Variants in SLC7A2 observed in about 807,000 individuals in gnomAD.
SLC7A2 encodes solute carrier family 7 member 2.
Under a neutral mutation model 58.9 loss-of-function variants are expected in SLC7A2, and 48 were observed. That is an observed-to-expected ratio of 0.82 (90% CI 0.65 to 1.04). The LOEUF (loss-of-function observed/expected upper bound fraction) is 1.04, where lower values mean the gene tolerates loss of function less well. Among genes scored for constraint, SLC7A2 ranks in the 50% least tolerant of loss-of-function variants. The probability of loss-of-function intolerance (pLI) is 0.00; values close to 1 mark genes in which losing one functional copy is unlikely to be tolerated. For missense variants in SLC7A2, 1,029 were observed against 818.8 expected, an observed-to-expected ratio of 1.26 and a Z score of -3.13; for synonymous variants, 363 against 314.5, an observed-to-expected ratio of 1.15 and a Z score of -1.63.
chr8:17,509,119 A>T (rs1800492434), intron 2 of SLC7A2, among the ~76,000 whole-genome samples: 3 of 152,116 alleles, frequency 2.0e-5, no homozygotes. Context: ...AGTTCGAGTC[A>T]TCTGTTTAAA....
intron 4 of SLC7A2, among the ~76,000 whole-genome samples, chr8:17,547,205 C>T (rs1425595085): frequency 6.6e-6 from 1 of 151,840 alleles, no homozygotes; most frequent in Non-Finnish European, 1.5e-5. Flanking sequence ...TTGGGGAGGC[C>T]TCACAGTCAT....
At chr8:17,521,030 C>T (rs1800993151) in intron 2 of SLC7A2, among the ~76,000 whole-genome samples, 1 of 151,878 alleles carries the variant, frequency 6.6e-6, no homozygotes, top group Non-Finnish European at 1.5e-5. Context: ...AAAGAAAACA[C>T]ATAGTACCAT....
At chr8:17,499,604 T>A (rs2150634352) in intron 1 of SLC7A2, among the ~76,000 whole-genome samples, 1 of 150,818 alleles carries the variant, frequency 6.6e-6, no homozygotes, top group Admixed American at 6.7e-5. Flanking sequence ...ATGCCAAACA[T>A]TTAGAACAAA....
intron 2 of SLC7A2, among the ~76,000 whole-genome samples, chr8:17,542,077 A>C (rs981580668): frequency 2.0e-5 from 3 of 152,172 alleles, no homozygotes; most frequent in Non-Finnish European, 4.4e-5. Context: ...TTTTAGTACA[A>C]ATTCATACTT....
chr8:17,545,877 G>C lies in SLC7A2; in HGVS notation c.532+1271G>C, dbSNP rs558481274. 2.0e-5 allele frequency among the ~76,000 whole-genome samples: 3 copies of C among 152,234 alleles called. No homozygotes were observed. The East Asian group carries it at 5.8e-4, about 29-fold the overall frequency. ...TCTCCCTTGTTAGAAGAGTGAGACAGAAATATCTTTCTCTTTTGAAATGTT... is the reference window on the plus strand; with the variant it reads ...TCTCCCTTGTTAGAAGAGTGAGACACAAATATCTTTCTCTTTTGAAATGTT... On this transcript the variant is annotated intron_variant, in intron 4 of 12. Coordinates refer to ENST00000494857, the MANE Select transcript of SLC7A2 (RefSeq NM_001370338.1).
chr8:17,505,701 G>A (rs1441365331), intron 2 of SLC7A2, among the ~76,000 whole-genome samples: 1 of 152,192 alleles, frequency 6.6e-6, no homozygotes, highest in Admixed American at 6.5e-5. Context: ...AGCATAGTCA[G>A]TGCCCTCTTT....
intron 2 of SLC7A2, among the ~76,000 whole-genome samples, chr8:17,526,633 A>C (rs1801233534): frequency 6.6e-6 from 1 of 152,156 alleles, no homozygotes; most frequent in Non-Finnish European, 1.5e-5. Context: ...AGAAGAAAGG[A>C]AAGAGGTAGT....
chr8:17,562,021 G>T lies in SLC7A2; in HGVS notation c.1582G>T (p.Ala528Ser). 2 of 1,613,930 alleles carry T rather than the reference G, an allele frequency of 1.2e-6. No homozygotes were observed. The highest frequency in any genetic ancestry group is 8.5e-7 in the Non-Finnish European group (1 of 1,179,974). Reference sequence around the variant, plus strand: ...CACCAGGCTGGAGGCCTGGAGCCTCGCTCTCCTCGCGCTGTTTCTTGTTCT... The same window carrying T: ...CACCAGGCTGGAGGCCTGGAGCCTCTCTCTCCTCGCGCTGTTTCTTGTTCT... ...AITRLEAWSL[A>S]LLALFLVLFV... The change falls in exon 11 of 13, where the codon GCT becomes TCT. Residue 528 changes from alanine to serine, a missense_variant. By Grantham distance (99) the Ala-to-Ser change is moderately conservative (BLOSUM62 1). Transcript: ENST00000494857.
In SLC7A2 at chr8:17,569,359, G is replaced by A. The variant is rs1361765882; in HGVS notation, c.*4213G>A. On this transcript the variant is annotated 3_prime_UTR_variant, in exon 13 of 13. Coordinates refer to ENST00000494857, the MANE Select transcript of SLC7A2 (RefSeq NM_001370338.1). Reference sequence around the variant, plus strand: ...GTGAAATTAACTGTCCTTTTTGCTAGTGCCAAAACAGTGCCTTCTCTGCAC... The same window carrying A: ...GTGAAATTAACTGTCCTTTTTGCTAATGCCAAAACAGTGCCTTCTCTGCAC... 1 of 152,192 alleles carries A rather than the reference G, an allele frequency of 6.6e-6. No homozygotes were observed. The highest frequency in any genetic ancestry group is 2.4e-5 in the African/African-American group (1 of 41,448). The allele number at this position is 152,192 out of a possible 1,614,324, so 9.4% of individuals were successfully genotyped here.
intron 10 of SLC7A2, 92 bp from the exon 11 acceptor site, chr8:17,561,852 A>G (rs1803005315): frequency 5.8e-6 from 7 of 1,200,136 alleles, no homozygotes; most frequent in Non-Finnish European, 8.4e-6. Flanking sequence ...TGTGTACAGA[A>G]GTCAGTGTTT....
At chr8:17,518,418 G>A (rs1800885382) in intron 2 of SLC7A2, among the ~76,000 whole-genome samples, 1 of 152,092 alleles carries the variant, frequency 6.6e-6, no homozygotes, top group Non-Finnish European at 1.5e-5. Context: ...TTTAGAATGT[G>A]TACTTCATAA....
chr8:17,536,831 G>A (rs1303794987), intron 2 of SLC7A2, among the ~76,000 whole-genome samples: 4 of 152,094 alleles, frequency 2.6e-5, no homozygotes, highest in Admixed American at 1.3e-4. Context: ...CTTGACCTTC[G>A]CCATTAGCTT....
rs531450607 is a variant in SLC7A2 at position 17,532,264 on chromosome 8, A to G, written c.-22-11054A>G. 5.8e-4 allele frequency among the ~76,000 whole-genome samples: 65 copies of G among 111,496 alleles called. 1 individual carries two copies. Among genetic ancestry groups the G allele is most frequent in the African/African-American group, 2.1e-3 (63 of 29,426 alleles). 73.1% of individuals were successfully genotyped at this position (111,496 alleles called of 152,430 possible). Reference sequence around the variant, plus strand: ...AAAAAAAAAAAAAAAAAAAAACCCCAGCAATTCTAGGGAGGAATAATGGCT... The same window carrying G: ...AAAAAAAAAAAAAAAAAAAAACCCCGGCAATTCTAGGGAGGAATAATGGCT... On this transcript the variant is annotated intron_variant, in intron 2 of 12. Coordinates refer to ENST00000494857, the MANE Select transcript of SLC7A2 (RefSeq NM_001370338.1).
rs1267962844 is a variant in SLC7A2, at chr8:17,567,829, A to G, written c.*2683A>G. 6.6e-6 allele frequency: 1 copy of G among 152,220 alleles called. No individual in the cohort carries two copies. The highest frequency in any genetic ancestry group is 2.4e-5 in the African/African-American group (1 of 41,452). The allele number at this position is 152,220 out of a possible 1,614,324, so 9.4% of individuals were successfully genotyped here. On this transcript the variant is annotated 3_prime_UTR_variant, in exon 13 of 13. Coordinates refer to ENST00000494857, the MANE Select transcript of SLC7A2 (RefSeq NM_001370338.1). The stretch of plus-strand genomic sequence containing the variant: ...TAATATGAAATCACTAAACTCTAGT[A>G]CATTATAGCAGGTGCTTTGTAATCT...
intron 2 of SLC7A2, among the ~76,000 whole-genome samples, chr8:17,518,585 A>G (rs1040863770): frequency 6.6e-6 from 1 of 151,366 alleles, no homozygotes; most frequent in Non-Finnish European, 1.5e-5. Flanking sequence ...GTCTCTTTAG[A>G]TGGTGCAAAC....
chr8:17,517,626 G>A (rs1037099280), intron 2 of SLC7A2, among the ~76,000 whole-genome samples: 1 of 151,516 alleles, frequency 6.6e-6, no homozygotes, highest in Non-Finnish European at 1.5e-5. Flanking sequence ...ATCTTTCTTT[G>A]TTCTTAAACA....
chr8:17,560,225 A>C, intron 9 of SLC7A2, 103 bp from the exon 10 acceptor site: 3 of 787,826 alleles, frequency 3.8e-6, no homozygotes, highest in Non-Finnish European at 6.5e-6. Flanking sequence ...TACTCTACAC[A>C]CTATCACTCT....
chr8:17,495,725 TTTTTAGTAGAGACGGAG>T (rs1465719320), upstream of SLC7A2, among the ~76,000 whole-genome samples: 1 of 152,176 alleles, frequency 6.6e-6, no homozygotes, highest in African/African-American at 2.4e-5. Flanking sequence ...AATTTTTGTA[TTTTTAGTAGAGACGGAG>T]TTTCACCCTG....
chr8:17,520,854 C>A, intron 2 of SLC7A2: 1 of 268,114 alleles, frequency 3.7e-6, no homozygotes, highest in Non-Finnish European at 5.7e-6. Context: ...TGTGACCACA[C>A]AATACTGAAG....
Sources: gnomAD v4.1 joint callset for allele counts (sites outside exome capture counted in the v4.1 genomes callset) on GRCh38, gnomAD v4.1.1 for gene constraint, MANE v1.5 for transcripts, NCBI Gene and HGNC (gene_info 2026-07-23, HGNC 2026-07-21) for gene names.